Variants in PCDH15 observed in about 807,000 individuals in gnomAD.
The protein encoded by PCDH15 is protocadherin-15.
A neutral mutation model predicts 178.5 loss-of-function variants in PCDH15; 129 were observed. That is an observed-to-expected ratio of 0.72 (90% CI 0.63 to 0.84). PCDH15 has a LOEUF of 0.84. Among genes scored for constraint, PCDH15 ranks in the 40% least tolerant of loss-of-function variants. The probability of loss-of-function intolerance (pLI) is 0.00; values close to 1 mark genes in which losing one functional copy is unlikely to be tolerated. For synonymous variants in PCDH15, 800 were observed against 732.0 expected (o/e 1.09, Z -1.50); for missense variants, 2,230 against 2,099.9 (o/e 1.06, Z -1.21).
At chr10:55,145,685 G>T (rs1245008671) in intron 2 of PCDH15, among the ~76,000 whole-genome samples, 1 of 151,928 alleles carries the variant, frequency 6.6e-6, no homozygotes, top group African/African-American at 2.4e-5. Context: ...CTGCCTAAAT[G>T]TAAATCATCA....
rs185843193 is a variant in PCDH15 at position 54,415,832 on chromosome 10, T to C, written c.158-36890A>G. ...AATGGGAAATGTTGTATGATCTCGA[T>C]TGGGTAAAAGACAATTTATCTACAT... On this transcript the variant is annotated intron_variant, in intron 3 of 37. Transcript: ENST00000644397. Among the ~76,000 whole-genome samples, 273 of 152,226 alleles carry C rather than the reference T, an allele frequency of 1.8e-3. 1 individual carries two copies. The highest frequency in any genetic ancestry group is 6.3e-3 in the African/African-American group (261 of 41,548).
At chr10:54,583,870 C>G (rs2026415) in intron 2 of PCDH15, among the ~76,000 whole-genome samples, 2,947 of 152,030 alleles carry the variant, frequency 0.019, 98 homozygotes, top group African/African-American at 0.067. Context: ...TAAAATGGTA[C>G]ACAAAAATCT....
intron 2 of PCDH15, among the ~76,000 whole-genome samples, chr10:55,114,084 G>T (rs1837573922): frequency 6.6e-6 from 1 of 151,982 alleles, no homozygotes; most frequent in South Asian, 2.1e-4. Context: ...GAGTAGCTGG[G>T]ACTACAGGCA....
At chr10:54,684,347 C>A (rs1293912190) in intron 1 of PCDH15, among the ~76,000 whole-genome samples, 2 of 151,646 alleles carry the variant, frequency 1.3e-5, no homozygotes, top group Non-Finnish European at 2.9e-5. Context: ...TATTTATAAA[C>A]TAAAATAGAT....
intron 2 of PCDH15, among the ~76,000 whole-genome samples, chr10:55,588,582 T>C (rs547557615): frequency 1.1e-4 from 17 of 152,156 alleles, no homozygotes; most frequent in East Asian, 3.9e-4. Context: ...GGAGTCATAA[T>C]GATCATGTGC....
At chr10:54,695,011 G>A (rs559943188) in intron 1 of PCDH15, among the ~76,000 whole-genome samples, 1 of 151,098 alleles carries the variant, frequency 6.6e-6, no homozygotes, top group Non-Finnish European at 1.5e-5. Flanking sequence ...ACTTCAGTGA[G>A]CACATGAATG....
At chr10:53,899,608 G>A (rs1010288148) in intron 26 of PCDH15, among the ~76,000 whole-genome samples, 1 of 152,068 alleles carries the variant, frequency 6.6e-6, no homozygotes, top group African/African-American at 2.4e-5. Flanking sequence ...TGTATGCATG[G>A]TAGATGATCT....
At chr10:54,040,691 A>G (rs2093522607) in intron 18 of PCDH15, among the ~76,000 whole-genome samples, 1 of 152,040 alleles carries the variant, frequency 6.6e-6, no homozygotes, top group African/African-American at 2.4e-5. Flanking sequence ...GGAATATTTT[A>G]CAAAAGCATG....
intron 2 of PCDH15, among the ~76,000 whole-genome samples, chr10:55,354,357 C>T (rs905187965): frequency 2.0e-5 from 3 of 151,800 alleles, no homozygotes; most frequent in Non-Finnish European, 2.9e-5. Context: ...ATGAGAATTC[C>T]GAATTAAATA....
intron 17 of PCDH15, among the ~76,000 whole-genome samples, chr10:54,069,662 C>A (rs1360203923): frequency 6.6e-6 from 1 of 151,990 alleles, no homozygotes; most frequent in Non-Finnish European, 1.5e-5. Flanking sequence ...TTGTTCTGAA[C>A]CTATGGAAAT....
At chr10:54,784,768 A>T (rs1291819251) in intron 1 of PCDH15, among the ~76,000 whole-genome samples, 1 of 151,952 alleles carries the variant, frequency 6.6e-6, no homozygotes, top group Non-Finnish European at 1.5e-5. Context: ...TATTTGTATA[A>T]CTCTGCATAA....
chr10:53,810,524 ATTATC>A (rs2075825691), intron 37 of PCDH15, 27 bp downstream of exon 37: 1 of 1,580,678 alleles, frequency 6.3e-7, no homozygotes, highest in African/African-American at 1.3e-5. Flanking sequence ...TTCTTGGAAT[ATTATC>A]TTACATAATA....
At chr10:54,129,678 C>T (rs977154552) in intron 15 of PCDH15, among the ~76,000 whole-genome samples, 6 of 152,136 alleles carry the variant, frequency 3.9e-5, no homozygotes, top group Non-Finnish European at 8.8e-5. Context: ...TTATAGCTCC[C>T]TGGCGGTAAA....
rs186040979 is a variant in PCDH15 at position 54,742,128 on chromosome 10, C to A, written c.-29+58797G>T. On this transcript the variant is annotated intron_variant, in intron 1 of 37. Transcript: ENST00000644397. ...TGTACCATCACTATTTCAAGGCTAT[C>A]CCATTTAATTTTTGTTATGAGGTCA... 1.1e-4 allele frequency among the ~76,000 whole-genome samples: 16 copies of A among 152,074 alleles called. No individual in the cohort carries two copies. The East Asian group carries it at 3.1e-3, about 29-fold the overall frequency.
chr10:54,274,818 G>A (rs2058260414), intron 8 of PCDH15, among the ~76,000 whole-genome samples: 1 of 151,748 alleles, frequency 6.6e-6, no homozygotes, highest in South Asian at 2.1e-4. Context: ...TTCCATTCAT[G>A]GTAAAGATTC....
intron 2 of PCDH15, among the ~76,000 whole-genome samples, chr10:54,933,407 C>T (rs1837830062): frequency 6.6e-6 from 1 of 152,044 alleles, no homozygotes; most frequent in African/African-American, 2.4e-5. Flanking sequence ...CAGTTGCTAA[C>T]TAAGAGCAGC....
intron 2 of PCDH15, chr10:55,627,557 T>A (rs1221479014): frequency 1.3e-5 from 2 of 152,182 alleles, no homozygotes; most frequent in East Asian, 3.9e-4. Flanking sequence ...GTGAGAAGAA[T>A]GTTTCCATGA....
chr10:55,429,619 C>T (rs922569849), intron 2 of PCDH15, among the ~76,000 whole-genome samples: 3 of 152,146 alleles, frequency 2.0e-5, no homozygotes, highest in Non-Finnish European at 4.4e-5. Flanking sequence ...AGGACACTCA[C>T]TTGCTTTGAA....
chr10:53,810,352 A>C lies in PCDH15; in HGVS notation c.4671+204T>G, dbSNP rs79079579. Among the ~76,000 whole-genome samples the C allele has an allele frequency of 2.1e-3, 327 of 152,312 alleles. 7 individuals carry two copies. In the East Asian group the frequency reaches 0.028, roughly 13 times the overall value. On this transcript the variant is annotated intron_variant, in intron 37 of 37. Coordinates refer to ENST00000644397, the MANE Select transcript of PCDH15 (RefSeq NM_001384140.1). ...TTTCCAAATGTTTAACACTTTTAGAAGGAAATAAATTAAATGATCAAGAAT... is the reference window on the plus strand; with the variant it reads ...TTTCCAAATGTTTAACACTTTTAGACGGAAATAAATTAAATGATCAAGAAT...
Sources: gnomAD v4.1 joint callset for allele counts (sites outside exome capture counted in the v4.1 genomes callset) on GRCh38, gnomAD v4.1.1 for gene constraint, MANE v1.5 for transcripts, NCBI Gene and HGNC (gene_info 2026-07-23, HGNC 2026-07-21) for gene names.